TRPM6: variants seen among roughly 807,000 people sequenced by gnomAD.
The protein encoded by TRPM6 is channel kinase 2.
Under a neutral mutation model 247.6 loss-of-function variants are expected in TRPM6, and 111 were observed. The ratio of observed to expected loss-of-function variants is 0.45; its 90% CI spans 0.38 to 0.52. The LOEUF (loss-of-function observed/expected upper bound fraction) is 0.52. Among genes scored for constraint, TRPM6 ranks in the 20% least tolerant of loss-of-function variants. The probability of loss-of-function intolerance (pLI) is 0.00; values close to 1 mark genes in which losing one functional copy is unlikely to be tolerated. For missense variants in TRPM6, 2,126 were observed against 2,421.5 expected (o/e 0.88, Z 2.56); for synonymous variants, 892 against 853.8 (o/e 1.04, Z -0.78).
chr9:74,882,404 C>G (rs1564065614), intron 1 of TRPM6, among the ~76,000 whole-genome samples: 3 of 152,062 alleles, frequency 2.0e-5, no homozygotes, highest in Admixed American at 2.0e-4. Context: ...TCAAACAACT[C>G]AACAGTAAAC....
At position 74,821,784 on chromosome 9, in the gene TRPM6, C is replaced by T. The variant is rs775988564; in HGVS notation, c.895G>A (p.Val299Ile). 2 of 1,614,204 alleles carry T rather than the reference C, an allele frequency of 1.2e-6. No individual in the cohort carries two copies. Among genetic ancestry groups the T allele is most frequent in the Admixed American group, 1.7e-5 (1 of 60,018 alleles). The change falls in exon 8 of 39, where the codon GTC (valine) becomes ATC (isoleucine). Residue 299 changes from valine to isoleucine, a missense_variant. Coordinates refer to ENST00000360774, the MANE Select transcript of TRPM6 (RefSeq NM_017662.5). The part of the protein sequence containing the change: ...VGLVVEGGPN[V>I]ILSVWETVKD... ...ACAGTCTCCCACACTGACAGGATGA[C>T]GTTGGGACCGCCTTCCACCACCAGC...
intron 1 of TRPM6, among the ~76,000 whole-genome samples, chr9:74,884,100 G>C (rs1488212345): frequency 6.6e-6 from 1 of 152,196 alleles, no homozygotes; most frequent in Non-Finnish European, 1.5e-5. Context: ...GGTGAGCCAA[G>C]ATTGTGCCAT....
At chr9:74,887,304 G>A (rs61142161) in intron 1 of TRPM6, 5 of 1,368,784 alleles carry the variant, frequency 3.7e-6, no homozygotes, top group Admixed American at 3.3e-5. Flanking sequence ...GCAGGGGCGC[G>A]GAGGGACGGC....
chr9:74,760,737 G>A (rs1040117042), intron 27 of TRPM6, among the ~76,000 whole-genome samples: 3 of 152,172 alleles, frequency 2.0e-5, no homozygotes, highest in Non-Finnish European at 4.4e-5. Context: ...CAAAACTCAT[G>A]TTAAAACTTA....
chr9:74,737,506 G>T, intron 36 of TRPM6: 24 of 1,013,622 alleles, frequency 2.4e-5, no homozygotes, highest in East Asian at 5.9e-5. Context: ...CAAACCATAA[G>T]ATGGTTATAC....
intron 3 of TRPM6, among the ~76,000 whole-genome samples, chr9:74,846,278 C>T (rs899142844): frequency 1.7e-4 from 26 of 152,102 alleles, no homozygotes; most frequent in African/African-American, 5.8e-4. Flanking sequence ...ACATTTAAGG[C>T]GCAAATTGTT....
At chr9:74,878,466 T>G (rs2118507971) in intron 1 of TRPM6, among the ~76,000 whole-genome samples, 1 of 152,088 alleles carries the variant, frequency 6.6e-6, no homozygotes, top group East Asian at 1.9e-4. Context: ...CACCAAAGCC[T>G]CCACTAACAA....
chr9:74,877,480 T>C (rs1413348982), intron 1 of TRPM6, among the ~76,000 whole-genome samples: 1 of 152,118 alleles, frequency 6.6e-6, no homozygotes, highest in East Asian at 1.9e-4. Context: ...ACGCACACTA[T>C]GAATTCTAAG....
intron 29 of TRPM6, among the ~76,000 whole-genome samples, chr9:74,750,970 G>C (rs1214630991): frequency 6.6e-6 from 1 of 152,168 alleles, no homozygotes; most frequent in African/African-American, 2.4e-5. Context: ...ATATCAAACA[G>C]AAAATGTAAT....
In TRPM6 at chr9:74,827,794, C is replaced by A. The variant is rs1829393697; in HGVS notation, c.825G>T (p.Leu275=). 1 of 1,614,072 alleles carries A rather than the reference C, an allele frequency of 6.2e-7. No individual in the cohort carries two copies. The highest frequency in any genetic ancestry group is 8.5e-7 in the Non-Finnish European group (1 of 1,180,014). Residue 275 remains leucine, a synonymous_variant, in exon 7 of 39, where the codon CTG becomes CTT. Transcript: ENST00000360774. ...GATACTCACGGCAGTGTATTTTCTG[C>A]AGAGAGAGGTACTTCTCCAGGTTCC... The part of the protein sequence containing the change: ...LRRNLEKYLS[L]QKIHCRSRQG...
chr9:74,857,360 T>G (rs960150674), intron 2 of TRPM6, among the ~76,000 whole-genome samples: 3 of 152,216 alleles, frequency 2.0e-5, no homozygotes, highest in African/African-American at 7.2e-5. Flanking sequence ...CACATAGTTA[T>G]GAGTTCTAAA....
At chr9:74,887,670 C>G (rs778762011) in intron 1 of TRPM6, 154 bp downstream of exon 1, 4 of 1,601,220 alleles carry the variant, frequency 2.5e-6, no homozygotes, top group Non-Finnish European at 3.4e-6. Flanking sequence ...GACCAGAGAA[C>G]TTGAAAGCCG....
intron 19 of TRPM6, 21 bp from the exon 20 acceptor site, chr9:74,788,763 C>T (rs1266298453): frequency 6.2e-7 from 1 of 1,612,636 alleles, no homozygotes. Flanking sequence ...GACACACATT[C>T]CCCAGATGTG....
Position 74,816,973 on chromosome 9 carries a change from G to A in TRPM6, c.1135-9C>T. 1 of 1,612,180 alleles carries A rather than the reference G, an allele frequency of 6.2e-7. No homozygotes were observed. Among genetic ancestry groups the A allele is most frequent in the Middle Eastern group, 1.7e-4 (1 of 6,052 alleles). On this transcript the variant is annotated splice_polypyrimidine_tract_variant and intron_variant, in intron 9 of 38. Transcript: ENST00000360774. ...GCATCAAATATGGTAATCTACAACA[G>A]TGAAAAACAGAGAGCCATACATTTG...
In TRPM6 at chr9:74,785,996, G is replaced by C. The variant is rs1221091428; in HGVS notation, c.2797C>G (p.Pro933Ala). 6.2e-7 allele frequency: 1 copy of C among 1,614,228 alleles called. No homozygotes were observed. ...AGFVLRWGDPPFHTAGRLIYC... is the reference protein window; with the variant it reads ...AGFVLRWGDPAFHTAGRLIYC... ...ATCAGTCTTCCCGCTGTGTGAAAAG[G>C]AGGGTCACCCCATCGAAGGACGAAG... is the stretch of plus-strand genomic sequence containing the variant. The change falls in exon 21 of 39, where the codon CCT becomes GCT. Residue 933 changes from proline to alanine, a missense_variant. By Grantham distance (27) the Pro-to-Ala change is conservative (BLOSUM62 -1). Transcript: ENST00000360774.
chr9:74,853,345 C>A (rs918029803), intron 3 of TRPM6, among the ~76,000 whole-genome samples: 2 of 152,218 alleles, frequency 1.3e-5, no homozygotes, highest in African/African-American at 4.8e-5. Context: ...GCTGCCACCC[C>A]GTCTGGGAGG....
intron 1 of TRPM6, among the ~76,000 whole-genome samples, chr9:74,863,151 A>G (rs915395579): frequency 6.6e-6 from 1 of 150,998 alleles, no homozygotes; most frequent in African/African-American, 2.4e-5. Context: ...GGTTCAAGTG[A>G]TTCTCCTGCC....
Position 74,816,883 on chromosome 9 carries a change from G to T in TRPM6, c.1207+9C>A. On this transcript the variant is annotated intron_variant, in intron 10 of 38. Coordinates refer to ENST00000360774, the MANE Select transcript of TRPM6 (RefSeq NM_017662.5). Reference sequence around the variant, plus strand: ...TGAGGAACAATTGCAACCCCATCCAGATACTCACCCTTCAGCAAAGCTGTT... The same window carrying T: ...TGAGGAACAATTGCAACCCCATCCATATACTCACCCTTCAGCAAAGCTGTT... The T allele has an allele frequency of 1.2e-6, 2 of 1,613,924 alleles. No homozygotes were observed. Among genetic ancestry groups the T allele is most frequent in the Admixed American group, 3.3e-5 (2 of 60,012 alleles).
At chr9:74,735,769 A>G (rs1825676192) in intron 36 of TRPM6, among the ~76,000 whole-genome samples, 1 of 152,176 alleles carries the variant, frequency 6.6e-6, no homozygotes, top group South Asian at 2.1e-4. Flanking sequence ...AAACTTCAGC[A>G]TAATTACAAG....
Sources: allele counts gnomAD v4.1 joint callset (sites outside exome capture counted in the v4.1 genomes callset), GRCh38; gene constraint gnomAD v4.1.1; transcripts MANE v1.5; gene names NCBI Gene and HGNC (gene_info 2026-07-23, HGNC 2026-07-21).